The following KDM5B variants were observed in gnomAD, a reference collection of about 807,000 sequenced individuals.
The protein encoded by KDM5B is lysine-specific demethylase 5B.
A neutral mutation model predicts 193.4 loss-of-function variants in KDM5B; 144 were observed. That is an observed-to-expected ratio of 0.74 (90% CI 0.65 to 0.86). KDM5B has a LOEUF of 0.86. Among genes scored for constraint, KDM5B ranks in the 40% least tolerant of loss-of-function variants. The probability of loss-of-function intolerance (pLI) is 0.00; values close to 1 mark genes in which losing one functional copy is unlikely to be tolerated. For synonymous variants in KDM5B, 668 were observed against 682.6 expected (o/e 0.98, Z 0.33); for missense variants, 1,833 against 1,886.9 (o/e 0.97, Z 0.53).
chr1:202,803,751 G>A (rs1658174008), intron 1 of KDM5B, among the ~76,000 whole-genome samples: 2 of 151,636 alleles, frequency 1.3e-5, no homozygotes, highest in African/African-American at 2.4e-5. Context: ...CCCGGGAGGC[G>A]GATGTTGCAG....
intron 1 of KDM5B, among the ~76,000 whole-genome samples, chr1:202,798,946 T>C (rs1458202021): frequency 2.0e-5 from 3 of 151,848 alleles, no homozygotes; most frequent in African/African-American, 4.8e-5. Context: ...CTTGAGCTCA[T>C]GAGGTCAAGG....
At chr1:202,765,960 T>G (rs1656437906) in intron 5 of KDM5B, among the ~76,000 whole-genome samples, 1 of 152,192 alleles carries the variant, frequency 6.6e-6, no homozygotes, top group Admixed American at 6.5e-5. Context: ...CTTCTTCCTT[T>G]CCCAGGGAAA....
chr1:202,726,848 T>G lies in KDM5B; in HGVS notation c.*2188A>C, dbSNP rs1420120216. The G allele has an allele frequency of 6.6e-6, 1 of 152,232 alleles. No individual in the cohort carries two copies. The highest frequency in any genetic ancestry group is 2.4e-5 in the African/African-American group (1 of 41,468). The allele number at this position is 152,232 out of a possible 1,614,324, so 9.4% of individuals were successfully genotyped here. A position where few individuals can be genotyped will look rare whatever the true frequency, so the allele number is the denominator to read the frequency against. On this transcript the variant is annotated 3_prime_UTR_variant, in exon 27 of 27. Transcript: ENST00000367265. Reference sequence around the variant, plus strand: ...GGTAGGAGGAATACTGTAGGAAAACTGGAAGATAAAACCCAGGCTTTGTTA... The same window carrying G: ...GGTAGGAGGAATACTGTAGGAAAACGGGAAGATAAAACCCAGGCTTTGTTA...
intron 8 of KDM5B, 78 bp from the exon 9 acceptor site, chr1:202,758,588 A>T: frequency 8.1e-7 from 1 of 1,233,508 alleles, no homozygotes; most frequent in Non-Finnish European, 1.1e-6. Flanking sequence ...GCTGGCAGAT[A>T]AAAAACAAGG....
rs757900909 is a variant in KDM5B, at chr1:202,731,955, C to A, written c.3910-16G>T. The A allele has an allele frequency of 2.6e-5, 39 of 1,519,628 alleles. No homozygotes were observed. Among genetic ancestry groups the A allele is most frequent in the Non-Finnish European group, 3.4e-5 (37 of 1,103,884 alleles). The allele number at this position is 1,519,628 out of a possible 1,614,324, so 94.1% of individuals were successfully genotyped here. ...GTTGAGATACCTAATGGAGGGAAAACGTTTTATAATAAAATCTCTTCAGGA... is the reference window on the plus strand; with the variant it reads ...GTTGAGATACCTAATGGAGGGAAAAAGTTTTATAATAAAATCTCTTCAGGA... On this transcript the variant is annotated splice_polypyrimidine_tract_variant and intron_variant, in intron 23 of 26. Transcript: ENST00000367265.
chr1:202,797,101 A>C (rs1300022135), intron 1 of KDM5B: 4 of 152,268 alleles, frequency 2.6e-5, no homozygotes, highest in African/African-American at 9.7e-5. Flanking sequence ...GGGCCATTCA[A>C]AGGGGCAAGG....
chr1:202,773,928 GGTTTCGACAT>G (rs1185312838), intron 3 of KDM5B, among the ~76,000 whole-genome samples: 2 of 151,836 alleles, frequency 1.3e-5, no homozygotes, highest in Non-Finnish European at 2.9e-5. Flanking sequence ...GTAGAGACGG[GGTTTCGACAT>G]GTTGGTCAGG....
chr1:202,804,528 C>G (rs1236845536), intron 1 of KDM5B, among the ~76,000 whole-genome samples: 1 of 152,132 alleles, frequency 6.6e-6, no homozygotes, highest in Admixed American at 6.5e-5. Flanking sequence ...TCCCTCTTCT[C>G]TAGGAGTGGA....
At chr1:202,735,250 C>G (rs1014965701) in intron 22 of KDM5B, among the ~76,000 whole-genome samples, 179 bp downstream of exon 22, 1 of 152,306 alleles carries the variant, frequency 6.6e-6, no homozygotes, top group East Asian at 1.9e-4. Flanking sequence ...TCTTTCCCAC[C>G]TCTATGCATC....
Position 202,808,119 on chromosome 1 carries a change from T to C in KDM5B, c.187A>G (p.Lys63Glu). The C allele has an allele frequency of 6.2e-7, 1 of 1,611,628 alleles. No individual in the cohort carries two copies. Among genetic ancestry groups the C allele is most frequent in the Non-Finnish European group, 8.5e-7 (1 of 1,179,116 alleles). Reference sequence around the variant, plus strand: ...TGACTCACCGGCGGCGGCCGCACCTTACAGATGCCAGTCTGCTCGGCTATG... The same window carrying C: ...TGACTCACCGGCGGCGGCCGCACCTCACAGATGCCAGTCTGCTCGGCTATG... Reference protein sequence around the residue: ...RPIAEQTGICKVRPPPDWQPP... With the variant: ...RPIAEQTGICEVRPPPDWQPP... The change falls in exon 1 of 27, where the codon AAG (lysine) becomes GAG (glutamate). Residue 63 changes from lysine to glutamate, a missense_variant. Coordinates refer to ENST00000367265, the MANE Select transcript of KDM5B (RefSeq NM_006618.5).
At chr1:202,786,127 G>A (rs1250085635) in intron 1 of KDM5B, among the ~76,000 whole-genome samples, 1 of 142,234 alleles carries the variant, frequency 7.0e-6, no homozygotes, top group African/African-American at 2.6e-5. Flanking sequence ...AGCCTCCAGA[G>A]TACCTGGGAA....
In KDM5B at chr1:202,756,362, T is replaced by TC. The variant is rs1397572433; in HGVS notation, c.1351dup (p.Glu451GlyfsTer6). Reference sequence around the variant, plus strand: ...CCAAGCCACTTATATGCCTACCTCTTCCTCAGGTGAGAGTTTGATTTTCCC... The same window carrying TC: ...CCAAGCCACTTATATGCCTACCTCTTCCCTCAGGTGAGAGTTTGATTTTCCC... On this transcript the variant is annotated frameshift_variant, in exon 10 of 27. Transcript: ENST00000367265. LOFTEE classifies it high-confidence loss of function. 1 of 1,605,966 alleles carries TC rather than the reference T, an allele frequency of 6.2e-7. No individual in the cohort carries two copies. The highest frequency in any genetic ancestry group is 1.7e-5 in the Admixed American group (1 of 58,040).
In KDM5B at chr1:202,733,687, C is replaced by T. The variant is rs955007615; in HGVS notation, c.3623G>A (p.Ser1208Asn). 22 of 1,614,038 alleles carry T rather than the reference C, an allele frequency of 1.4e-5. No homozygotes were observed. The highest frequency in any genetic ancestry group is 3.3e-5 in the Admixed American group (2 of 59,996). Residue 1208 changes from serine (S) to asparagine (N), a missense_variant, in exon 23 of 27, where the codon AGT (serine) becomes AAT (asparagine). By Grantham distance (46) the Ser-to-Asn change is conservative (BLOSUM62 1). This residue lies in a region of KDM5B where 1,379 missense variants were observed against 1,349.6 expected (regional missense o/e 1.02). Coordinates refer to ENST00000367265, the MANE Select transcript of KDM5B (RefSeq NM_006618.5). ...CCAGATTCGCAGGCCCTGTGAAATA[C>T]TGGGTACCGCCACACAACTGGTGTG... ...AFHTSCVAVP[S>N]ISQGLRIWLC...
chr1:202,777,237 C>A (rs754672471), intron 1 of KDM5B, 143 bp from the exon 2 acceptor site: 4 of 619,542 alleles, frequency 6.5e-6, no homozygotes, highest in Non-Finnish European at 8.4e-6. Flanking sequence ...GTTTCTCAAC[C>A]TTTTGTCCAT....
chr1:202,786,768 C>T (rs754682721), intron 1 of KDM5B, among the ~76,000 whole-genome samples: 3 of 152,052 alleles, frequency 2.0e-5, no homozygotes, highest in African/African-American at 4.8e-5. Context: ...ACATATTGGC[C>T]GGGCGTGGTG....
intron 1 of KDM5B, among the ~76,000 whole-genome samples, chr1:202,780,984 C>T (rs1324622208): frequency 6.6e-6 from 1 of 152,068 alleles, no homozygotes; most frequent in African/African-American, 2.4e-5. Flanking sequence ...CAAATTTGTG[C>T]TGTTGGAACT....
At chr1:202,781,493 A>T (rs901897383) in intron 1 of KDM5B, among the ~76,000 whole-genome samples, 2 of 152,226 alleles carry the variant, frequency 1.3e-5, no homozygotes, top group African/African-American at 4.8e-5. Flanking sequence ...AAAAAATACT[A>T]TACTTTGTTA....
At chr1:202,730,122 TG>T in intron 25 of KDM5B, 95 bp from the exon 26 acceptor site, 1 of 1,081,618 alleles carries the variant, frequency 9.2e-7, no homozygotes, top group Non-Finnish European at 1.3e-6. Flanking sequence ...AGAAATCAGA[TG>T]ATCCCCCAAT....
Position 202,731,861 on chromosome 1 carries a change from A to AG in KDM5B, c.3987dup (p.Phe1330LeufsTer14). 1 of 1,613,586 alleles carries AG rather than the reference A, an allele frequency of 6.2e-7. No individual in the cohort carries two copies. Among genetic ancestry groups the AG allele is most frequent in the South Asian group, 1.1e-5 (1 of 91,044 alleles). Reference sequence around the variant, plus strand: ...GGGATACAACTTCGTCCAGTTGAGAAGGGGGAGTGCAAATATGAGGTTCTG... The same window carrying AG: ...GGGATACAACTTCGTCCAGTTGAGAAGGGGGGAGTGCAAATATGAGGTTCTG... On this transcript the variant is annotated frameshift_variant, in exon 24 of 27. Coordinates refer to ENST00000367265, the MANE Select transcript of KDM5B (RefSeq NM_006618.5). LOFTEE classifies it high-confidence loss of function.
Sources: allele counts gnomAD v4.1 joint callset (sites outside exome capture counted in the v4.1 genomes callset), GRCh38; gene constraint gnomAD v4.1.1; regional missense constraint gnomAD v4.1.1; transcripts MANE v1.5; gene names NCBI Gene and HGNC (gene_info 2026-07-23, HGNC 2026-07-21).